Variants in PRMT2 observed in about 807,000 individuals in gnomAD.
PRMT2 encodes protein arginine methyltransferase 2.
PRMT2 carries 26 observed loss-of-function variants against 57.6 expected under a neutral mutation model. The observed-to-expected ratio is 0.45, with a 90% CI of 0.33 to 0.63. The LOEUF is 0.63. PRMT2 is among the 20% of genes least tolerant of loss of function. The pLI is 0.02. For missense variants in PRMT2, 472 were observed against 564.4 expected, an observed-to-expected ratio of 0.84 and a Z score of 1.66; for synonymous variants, 219 against 220.0, an observed-to-expected ratio of 1.00 and a Z score of 0.04.
chr21:46,650,878 C>T (rs921925760), intron 7 of PRMT2, among the ~76,000 whole-genome samples: 1 of 152,166 alleles, frequency 6.6e-6, no homozygotes, highest in African/African-American at 2.4e-5. Context: ...CCAGGGCTGC[C>T]CAGTGGCCGG....
Position 46,648,742 on chromosome 21 carries a change from T to G in PRMT2, c.489+123T>G. ...GGGGCTCACCGGTGACTCCATGGTC[T>G]TGTTGAGCACCCTGCACGTGGGGCT... On this transcript the variant is annotated intron_variant, in intron 6 of 11. Coordinates refer to ENST00000355680, the MANE Select transcript of PRMT2 (RefSeq NM_206962.4). The surrounding 1 kb of genome is among the most constrained non-coding windows in gnomAD (Gnocchi z 4.8). 2 of 1,276,704 alleles carry G rather than the reference T, an allele frequency of 1.6e-6. No individual in the cohort carries two copies. Among genetic ancestry groups the G allele is most frequent in the Non-Finnish European group, 2.2e-6 (2 of 913,662 alleles). 79.1% of individuals were successfully genotyped at this position (1,276,704 alleles called of 1,614,324 possible).
Position 46,644,295 on chromosome 21 carries a change from T to G in PRMT2, c.145-11T>G. On this transcript the variant is annotated splice_polypyrimidine_tract_variant and intron_variant, in intron 4 of 11. Coordinates refer to ENST00000355680, the MANE Select transcript of PRMT2 (RefSeq NM_206962.4). ...GGTTTTCTTATTGAATTTTAACTTT[T>G]TTTTTTCCAGCTCAGTTTTTTGAGA... 6.2e-7 allele frequency: 1 copy of G among 1,601,972 alleles called. No homozygotes were observed. The highest frequency in any genetic ancestry group is 8.5e-7 in the Non-Finnish European group (1 of 1,176,658).
chr21:46,656,858 G>C (rs924824915), intron 7 of PRMT2: 17 of 151,914 alleles, frequency 1.1e-4, no homozygotes, highest in Non-Finnish European at 1.9e-4. Flanking sequence ...TCTGCAAAAG[G>C]ATGATGCTAA....
In PRMT2 at chr21:46,647,477, T is replaced by G. The variant is rs894236934; in HGVS notation, c.328-981T>G. Among the ~76,000 whole-genome samples, 12 of 152,306 alleles carry G rather than the reference T, an allele frequency of 7.9e-5. No homozygotes were observed. In the South Asian group the frequency reaches 1.4e-3, roughly 18 times the overall value. On this transcript the variant is annotated intron_variant, in intron 5 of 11. Transcript: ENST00000355680. ...CACACTTTTGTTTTCAGAACTGTTA[T>G]GATTCTGTGTTATTTTATTTTTGTT... is the stretch of plus-strand genomic sequence containing the variant.
intron 7 of PRMT2, chr21:46,651,947 GT>G (rs766235114): frequency 3.5e-5 from 56 of 1,613,134 alleles, no homozygotes; most frequent in Non-Finnish European, 4.3e-5. Flanking sequence ...CTGTCTGCCT[GT>G]TCTCAGAGCC....
chr21:46,659,853 T>C, intron 8 of PRMT2: 11 of 985,314 alleles, frequency 1.1e-5, no homozygotes, highest in Non-Finnish European at 1.3e-5. Flanking sequence ...AAAGAAACCA[T>C]AGGTTTTTAG....
At position 46,644,347 on chromosome 21, in the gene PRMT2, A is replaced by G; in HGVS notation, c.186A>G (p.Gln62=). 2 of 1,609,860 alleles carry G rather than the reference A, an allele frequency of 1.2e-6. No individual in the cohort carries two copies. Among genetic ancestry groups the G allele is most frequent in the East Asian group, 4.5e-5 (2 of 44,720 alleles). ...GAGAAAAAATTCTTATCCTGAGACA[A>G]ACCACTGCAGATTGGTGGTGGGGTG... The part of the protein sequence containing the change: ...LRGEKILILR[Q]TTADWWWGER... The change falls in exon 5 of 12, where the codon CAA becomes CAG. Residue 62 remains glutamine, a synonymous_variant. Transcript: ENST00000355680.
chr21:46,646,461 A>T (rs937321313), intron 5 of PRMT2, among the ~76,000 whole-genome samples: 1 of 152,224 alleles, frequency 6.6e-6, no homozygotes, highest in Admixed American at 6.5e-5. Flanking sequence ...TTTTTAATGT[A>T]TAGAAAAGGC....
intron 8 of PRMT2, chr21:46,659,762 T>C: frequency 1.0e-6 from 1 of 985,448 alleles, no homozygotes; most frequent in Non-Finnish European, 1.2e-6. Flanking sequence ...CTCCCGGCAC[T>C]GGAAGCCAGT....
chr21:46,642,850 C>G (rs2061300319), intron 3 of PRMT2, among the ~76,000 whole-genome samples: 1 of 152,084 alleles, frequency 6.6e-6, no homozygotes, highest in Non-Finnish European at 1.5e-5. Flanking sequence ...TGGTGAAACC[C>G]CATCTCTACT....
In PRMT2 at chr21:46,644,426, G is replaced by A. The variant is rs1171315962; in HGVS notation, c.265G>A (p.Asp89Asn). 1.2e-6 allele frequency: 2 copies of A among 1,612,832 alleles called. No individual in the cohort carries two copies. Among genetic ancestry groups the A allele is most frequent in the African/African-American group, 1.3e-5 (1 of 74,968 alleles). The change falls in exon 5 of 12, where the codon GAT (aspartate) becomes AAT (asparagine). Residue 89 changes from aspartate (D) to asparagine (N), a missense_variant. Asp to Asn is a conservative substitution (Grantham distance 23). Coordinates refer to ENST00000355680, the MANE Select transcript of PRMT2 (RefSeq NM_206962.4). ...IPANHVGKHV[D>N]EYDPEDTWQD... ...GGCAAACCATGTGGGGAAGCACGTG[G>A]ATGAGTACGACCCCGAGGACACGTG...
chr21:46,647,987 T>A (rs9979719), intron 5 of PRMT2, among the ~76,000 whole-genome samples: 1,769 of 152,268 alleles, frequency 0.012, 29 homozygotes, highest in African/African-American at 0.041. Flanking sequence ...TTTTAAAGCA[T>A]TTTCCTCATT....
chr21:46,659,060 T>C, intron 8 of PRMT2, 140 bp downstream of exon 8: 3 of 1,439,160 alleles, frequency 2.1e-6, no homozygotes, highest in South Asian at 3.0e-5. Context: ...GACAATCTGT[T>C]GTAGCATTGG....
chr21:46,654,380 A>T (rs1393522323), intron 7 of PRMT2, among the ~76,000 whole-genome samples: 1 of 152,216 alleles, frequency 6.6e-6, no homozygotes, highest in Non-Finnish European at 1.5e-5. Flanking sequence ...TTTAAAAATT[A>T]GACATAGTGG....
chr21:46,656,702 G>A (rs192625710), intron 7 of PRMT2: 81 of 152,206 alleles, frequency 5.3e-4, no homozygotes, highest in African/African-American at 1.8e-3. Flanking sequence ...ATCTAAGTGT[G>A]TGAAATGTAA....
chr21:46,644,732 T>C (rs1197636280), intron 5 of PRMT2, among the ~76,000 whole-genome samples: 2 of 152,224 alleles, frequency 1.3e-5, no homozygotes, highest in Admixed American at 6.5e-5. Context: ...ACAGTTTTCA[T>C]GTGTCACAAA....
At chr21:46,646,484 C>T (rs2061367055) in intron 5 of PRMT2, among the ~76,000 whole-genome samples, 3 of 152,330 alleles carry the variant, frequency 2.0e-5, no homozygotes, top group Admixed American at 2.0e-4. Flanking sequence ...TGTTCCACCA[C>T]TCAGGTCTTC....
At position 46,648,360 on chromosome 21, in the gene PRMT2, C is replaced by T. The variant is rs1026981788; in HGVS notation, c.328-98C>T. 2.2e-6 allele frequency: 3 copies of T among 1,333,618 alleles called. No homozygotes were observed. Among genetic ancestry groups the T allele is most frequent in the South Asian group, 2.6e-5 (2 of 75,570 alleles). 82.6% of individuals were successfully genotyped at this position (1,333,618 alleles called of 1,614,324 possible). On this transcript the variant is annotated intron_variant, in intron 5 of 11. Coordinates refer to ENST00000355680, the MANE Select transcript of PRMT2 (RefSeq NM_206962.4). The surrounding 1 kb of genome is among the most constrained non-coding windows in gnomAD (Gnocchi z 4.8). ...TAGTCTTCCATAGGGGTGTTGGGGT[C>T]AGGGGTCATCAGCTGTGGCTCTGAC...
At chr21:46,643,891 A>G (rs185719744) in intron 4 of PRMT2, among the ~76,000 whole-genome samples, 21 of 152,236 alleles carry the variant, frequency 1.4e-4, no homozygotes, top group African/African-American at 4.8e-4. Context: ...GGAATGTAGA[A>G]CCCACCCAGT....
Sources: gnomAD v4.1 joint callset for allele counts (sites outside exome capture counted in the v4.1 genomes callset) on GRCh38, gnomAD v4.1.1 for gene constraint, Gnocchi (gnomAD v3.1) non-coding constraint, MANE v1.5 for transcripts, NCBI Gene and HGNC (gene_info 2026-07-23, HGNC 2026-07-21) for gene names.